LAMTOR5: variants seen among roughly 807,000 people sequenced by gnomAD.
LAMTOR5 encodes late endosomal/lysosomal adaptor, MAPK and MTOR activator 5.
In LAMTOR5, 8 loss-of-function variants were observed where a neutral mutation model predicts 12.1. The observed-to-expected ratio is 0.66, with a 90% CI of 0.39 to 1.19. The LOEUF is 1.19. Ranked by LOEUF, LAMTOR5 falls within the 50% of genes most tolerant of loss-of-function variation. The pLI is 0.01. For synonymous variants in LAMTOR5, 37 were observed against 41.9 expected (o/e 0.88, Z 0.45); for missense variants, 110 against 112.8 (o/e 0.97, Z 0.11).
In LAMTOR5 at chr1:110,407,578, C is replaced by T. The variant is rs762735737; in HGVS notation, c.35+8G>A. The T allele has an allele frequency of 6.2e-7, 1 of 1,613,386 alleles. No homozygotes were observed. Among genetic ancestry groups the T allele is most frequent in the South Asian group, 1.1e-5 (1 of 91,060 alleles). On this transcript the variant is annotated splice_region_variant and intron_variant, in intron 1 of 3. Transcript: ENST00000602318. Reference sequence around the variant, plus strand: ...TCAGGACAGGCCGAAGAGGCGCGCACTACTCACGTGTCTTCCAAGTGCTGC... The same window carrying T: ...TCAGGACAGGCCGAAGAGGCGCGCATTACTCACGTGTCTTCCAAGTGCTGC...
At chr1:110,406,804 A>C (rs770941046) in intron 1 of LAMTOR5, 22 of 410,122 alleles carry the variant, frequency 5.4e-5, no homozygotes, top group African/African-American at 1.6e-4. Context: ...AGCCTGGAAG[A>C]CGAGCGAAAT....
chr1:110,407,861 C>T (rs926581642), upstream of LAMTOR5: 2 of 1,612,786 alleles, frequency 1.2e-6, no homozygotes, highest in Non-Finnish European at 1.7e-6. Flanking sequence ...CTGCACCTGG[C>T]TCCATGGCGG....
chr1:110,403,403 G>A (rs556839442), intron 3 of LAMTOR5, among the ~76,000 whole-genome samples: 2 of 152,036 alleles, frequency 1.3e-5, no homozygotes, highest in Non-Finnish European at 2.9e-5. Context: ...GAGCCCAGGA[G>A]TTCGAGACCA....
At chr1:110,402,739 T>C (rs974700468) in intron 3 of LAMTOR5, among the ~76,000 whole-genome samples, 1 of 152,202 alleles carries the variant, frequency 6.6e-6, no homozygotes, top group Non-Finnish European at 1.5e-5. Flanking sequence ...GCCAGTGATA[T>C]TGATGATCCT....
chr1:110,404,026 G>A lies in LAMTOR5; in HGVS notation c.108C>T (p.Thr36=). The A allele has an allele frequency of 6.2e-7, 1 of 1,613,744 alleles. No homozygotes were observed. The highest frequency in any genetic ancestry group is 8.5e-7 in the Non-Finnish European group (1 of 1,179,904). ...TCACTCCAGCATGCTCATCTGACAG[G>A]GTCCCGCGGCCTGGAAAATAGAGAT... is the stretch of plus-strand genomic sequence containing the variant. ...SQGLNLGCRG[T]LSDEHAGVIS... Residue 36 remains threonine (T), a synonymous_variant, in exon 3 of 4, where the codon ACC becomes ACT. Coordinates refer to ENST00000602318, the MANE Select transcript of LAMTOR5 (RefSeq NM_001382293.1).
At chr1:110,407,895 C>G, upstream of LAMTOR5, 1 of 1,602,502 alleles carries the variant, frequency 6.2e-7, no homozygotes, top group Non-Finnish European at 8.5e-7. Flanking sequence ...GGATTATTCC[C>G]CTCTCGGGAG....
intron 1 of LAMTOR5, 93 bp downstream of exon 1, chr1:110,407,493 G>A: frequency 1.4e-6 from 2 of 1,467,342 alleles, no homozygotes; most frequent in Admixed American, 2.0e-5. Flanking sequence ...TCCCCGAGAC[G>A]CCCTGGCCGG....
At chr1:110,405,663 T>C (rs764519501) in intron 2 of LAMTOR5, among the ~76,000 whole-genome samples, 8 of 152,114 alleles carry the variant, frequency 5.3e-5, no homozygotes, top group Non-Finnish European at 1.2e-4. Context: ...ACTGGGTTGT[T>C]ATGAGGAATA....
intron 3 of LAMTOR5, among the ~76,000 whole-genome samples, chr1:110,403,049 G>C (rs1266260753): frequency 3.9e-5 from 6 of 151,982 alleles, no homozygotes; most frequent in Admixed American, 3.9e-4. Flanking sequence ...ACATTATTTA[G>C]GCTACAAATC....
rs149274123 is a variant in LAMTOR5, at chr1:110,407,364, C to G, written c.35+222G>C. The G allele has an allele frequency of 1.4e-5, 9 of 630,986 alleles. No homozygotes were observed. In the African/African-American group the frequency reaches 1.6e-4, roughly 12 times the overall value. 39.1% of individuals were successfully genotyped at this position (630,986 alleles called of 1,614,324 possible). A position where few individuals can be genotyped will look rare whatever the true frequency, so the allele number is the denominator to read the frequency against. ...TGGCCCGTGGCCTGGGCCCGGGAGA[C>G]TCGCTCAAGAGGGAATGTGCGGTGC... On this transcript the variant is annotated intron_variant, in intron 1 of 3. Coordinates refer to ENST00000602318, the MANE Select transcript of LAMTOR5 (RefSeq NM_001382293.1).
intron 1 of LAMTOR5, 114 bp downstream of exon 1, chr1:110,407,472 G>T: frequency 1.5e-6 from 2 of 1,327,272 alleles, no homozygotes; most frequent in East Asian, 2.5e-5. Context: ...TGTCCCGGGG[G>T]TCGCGCGACG....
chr1:110,404,186 T>G (rs1663284267), intron 2 of LAMTOR5, 150 bp from the exon 3 acceptor site: 1 of 1,196,972 alleles, frequency 8.4e-7, no homozygotes, highest in Non-Finnish European at 1.1e-6. Context: ...AAATCTCGGG[T>G]ACAAAAGTAC....
At chr1:110,407,380 T>C in intron 1 of LAMTOR5, 2 of 659,018 alleles carry the variant, frequency 3.0e-6, no homozygotes, top group South Asian at 3.9e-5. Flanking sequence ...CAAGAGGGAA[T>C]GTGCGGTGCC....
In LAMTOR5 at chr1:110,401,387, T is replaced by G; in HGVS notation, c.*136A>C. 1 of 823,544 alleles carries G rather than the reference T, an allele frequency of 1.2e-6. No individual in the cohort carries two copies. The highest frequency in any genetic ancestry group is 1.9e-6 in the Non-Finnish European group (1 of 539,796). The allele number at this position is 823,544 out of a possible 1,614,324, so 51.0% of individuals were successfully genotyped here. A position where few individuals can be genotyped will look rare whatever the true frequency, so the allele number is the denominator to read the frequency against. On this transcript the variant is annotated 3_prime_UTR_variant, in exon 4 of 4. Transcript: ENST00000602318. Reference sequence around the variant, plus strand: ...CATAGAGCATTAGAAAGCAATTGACTCTTAAATAAACAGAAAAGTGCCTAA... The same window carrying G: ...CATAGAGCATTAGAAAGCAATTGACGCTTAAATAAACAGAAAAGTGCCTAA...
Position 110,401,424 on chromosome 1 carries a change from T to C in LAMTOR5, c.*99A>G. On this transcript the variant is annotated 3_prime_UTR_variant, in exon 4 of 4. Coordinates refer to ENST00000602318, the MANE Select transcript of LAMTOR5 (RefSeq NM_001382293.1). Reference sequence around the variant, plus strand: ...AGAAAAGTGCCTAATGCACATTAAATGAATGGCCTAACTACTGGAACTTTA... The same window carrying C: ...AGAAAAGTGCCTAATGCACATTAAACGAATGGCCTAACTACTGGAACTTTA... 7.4e-7 allele frequency: 1 copy of C among 1,342,430 alleles called. No individual in the cohort carries two copies. The highest frequency in any genetic ancestry group is 1.0e-6 in the Non-Finnish European group (1 of 964,390). 83.2% of individuals were successfully genotyped at this position (1,342,430 alleles called of 1,614,324 possible).
chr1:110,404,013 G>C lies in LAMTOR5; in HGVS notation c.121C>G (p.His41Asp), dbSNP rs762857071. The C allele has an allele frequency of 6.2e-7, 1 of 1,613,998 alleles. No individual in the cohort carries two copies. Among genetic ancestry groups the C allele is most frequent in the Non-Finnish European group, 8.5e-7 (1 of 1,180,018 alleles). ...LGCRGTLSDE[H>D]AGVISVLAQQ... is the part of the protein sequence containing the mutation. ...GCTAGAACAGATATCACTCCAGCAT[G>C]CTCATCTGACAGGGTCCCGCGGCCT... is the stretch of plus-strand genomic sequence containing the variant. Residue 41 changes from histidine to aspartate, a missense_variant, in exon 3 of 4, where the codon CAT becomes GAT. Coordinates refer to ENST00000602318, the MANE Select transcript of LAMTOR5 (RefSeq NM_001382293.1).
At chr1:110,405,461 G>A (rs932438115) in intron 2 of LAMTOR5, among the ~76,000 whole-genome samples, 14 of 151,964 alleles carry the variant, frequency 9.2e-5, no homozygotes, top group Non-Finnish European at 2.9e-5. Flanking sequence ...CACCGCATCC[G>A]GCCTCTTTTT....
chr1:110,402,190 T>C (rs1663242825), intron 3 of LAMTOR5, among the ~76,000 whole-genome samples: 1 of 152,240 alleles, frequency 6.6e-6, no homozygotes, highest in South Asian at 2.1e-4. Context: ...CATACAATTA[T>C]GTACAGTACG....
chr1:110,401,709 A>G lies in LAMTOR5; in HGVS notation c.216-126T>C, dbSNP rs926095122. On this transcript the variant is annotated intron_variant, in intron 3 of 3. Transcript: ENST00000602318. Reference sequence around the variant, plus strand: ...GTAATTGTTTCTACGTATAAAAGCAATATTTAAACATAACAAAACATTTGG... The same window carrying G: ...GTAATTGTTTCTACGTATAAAAGCAGTATTTAAACATAACAAAACATTTGG... 10 of 984,308 alleles carry G rather than the reference A, an allele frequency of 1.0e-5. No individual in the cohort carries two copies. The African/African-American group carries it at 1.1e-4, about 11-fold the overall frequency. 61.0% of individuals were successfully genotyped at this position (984,308 alleles called of 1,614,324 possible).
Sources: gnomAD v4.1 joint callset for allele counts (sites outside exome capture counted in the v4.1 genomes callset) on GRCh38, gnomAD v4.1.1 for gene constraint, MANE v1.5 for transcripts, NCBI Gene and HGNC (gene_info 2026-07-23, HGNC 2026-07-21) for gene names.